Variants in SLC27A1 observed in about 807,000 individuals in gnomAD.
The protein encoded by SLC27A1 is long-chain fatty acid transport protein 1.
Under a neutral mutation model 62.2 loss-of-function variants are expected in SLC27A1, and 61 were observed. That is an observed-to-expected ratio of 0.98 (90% CI 0.80 to 1.21). SLC27A1 has a LOEUF of 1.21. Among genes scored for constraint, SLC27A1 ranks in the 50% most tolerant of loss-of-function variants. The pLI, the probability that SLC27A1 is intolerant of heterozygous loss-of-function variation, is 0.00. For synonymous variants in SLC27A1, 435 were observed against 408.6 expected (o/e 1.06, Z -0.78); for missense variants, 903 against 932.1 (o/e 0.97, Z 0.41).
chr19:17,487,932 C>T (rs1172683071), intron 4 of SLC27A1, among the ~76,000 whole-genome samples: 1 of 152,008 alleles, frequency 6.6e-6, no homozygotes, highest in East Asian at 1.9e-4. Flanking sequence ...CCTCGGGCTC[C>T]TCCTGCTCCC....
At position 17,488,915 on chromosome 19, in the gene SLC27A1, T is replaced by A. The variant is rs1358480440; in HGVS notation, c.862T>A (p.Cys288Ser). ...RMQAADVLYD[C>S]LPLYHSAGNI... ...GCAGGCGGCTGACGTGCTCTATGAC[T>A]GCCTGCCCCTGTACCACTCGGCAGG... The change falls in exon 5 of 12, where the codon TGC (cysteine) becomes AGC (serine). Residue 288 changes from cysteine to serine, a missense_variant. By Grantham distance (112) the Cys-to-Ser change is moderately radical. Transcript: ENST00000252595. 2 of 1,613,944 alleles carry A rather than the reference T, an allele frequency of 1.2e-6. No homozygotes were observed. Among genetic ancestry groups the A allele is most frequent in the Non-Finnish European group, 1.7e-6 (2 of 1,180,002 alleles).
chr19:17,479,458 A>G (rs2075154907), intron 1 of SLC27A1, among the ~76,000 whole-genome samples: 1 of 152,148 alleles, frequency 6.6e-6, no homozygotes, highest in African/African-American at 2.4e-5. Flanking sequence ...TTTCTGTTGT[A>G]AAGACAATCC....
chr19:17,470,686 A>T lies in SLC27A1; in HGVS notation c.146A>T (p.Lys49Met). 6.3e-7 allele frequency: 1 copy of T among 1,582,562 alleles called. No homozygotes were observed. Among genetic ancestry groups the T allele is most frequent in the Admixed American group, 1.8e-5 (1 of 56,954 alleles). Residue 49 changes from lysine to methionine, a missense_variant, in exon 1 of 12, where the codon AAG (lysine) becomes ATG (methionine). By Grantham distance (95) the Lys-to-Met change is moderately conservative (BLOSUM62 -1). Coordinates refer to ENST00000252595, the MANE Select transcript of SLC27A1 (RefSeq NM_198580.3). The stretch of plus-strand genomic sequence containing the variant: ...TGGCGCTTCCTGCGCATCGTCTGCA[A>T]GACCGCGAGGCGAGACCTCTTGTGA... ...GGWRFLRIVC[K>M]TARRDLFGLS...
upstream of SLC27A1, chr19:17,468,827 G>T: frequency 6.5e-6 from 1 of 154,382 alleles, no homozygotes. Context: ...GTCGGCAGTG[G>T]GGCAGAGGAG....
In SLC27A1 at chr19:17,470,605, T is replaced by C. The variant is rs1365751956; in HGVS notation, c.65T>C (p.Leu22Pro). ...CTGGCGCTGTTGTGGCTGCTGGGGC[T>C]GCCGTGGACCTGGAGCGCGGCAGCG... ...VSLALLWLLG[L>P]PWTWSAAAAL... Residue 22 changes from leucine (L) to proline (P), a missense_variant, in exon 1 of 12, where the codon CTG becomes CCG. Physicochemically the swap from Leu to Pro is moderately conservative, Grantham distance 98 (BLOSUM62 -3). Coordinates refer to ENST00000252595, the MANE Select transcript of SLC27A1 (RefSeq NM_198580.3). The C allele has an allele frequency of 1.3e-6, 2 of 1,567,520 alleles. No individual in the cohort carries two copies. Among genetic ancestry groups the C allele is most frequent in the Non-Finnish European group, 1.7e-6 (2 of 1,164,394 alleles).
Position 17,501,289 on chromosome 19 carries a change from A to G in SLC27A1, c.1653A>G (p.Ala551=), listed in dbSNP as rs762696187. 1 of 1,613,636 alleles carries G rather than the reference A, an allele frequency of 6.2e-7. No homozygotes were observed. Among genetic ancestry groups the G allele is most frequent in the Admixed American group, 1.7e-5 (1 of 59,990 alleles). ...GVAVPGVEGK[A]GMAAVADPHS... ...TGCCTCCAGGAGTGGAGGGTAAGGC[A>G]GGGATGGCGGCCGTCGCAGACCCCC... Residue 551 remains alanine (A), a synonymous_variant, in exon 11 of 12, where the codon GCA becomes GCG. Transcript: ENST00000252595.
Position 17,488,920 on chromosome 19 carries a change from G to C in SLC27A1, c.867G>C (p.Leu289=). The C allele has an allele frequency of 6.2e-7, 1 of 1,614,136 alleles. No homozygotes were observed. The highest frequency in any genetic ancestry group is 8.5e-7 in the Non-Finnish European group (1 of 1,180,022). ...MQAADVLYDC[L]PLYHSAGNII... ...CGGCTGACGTGCTCTATGACTGCCT[G>C]CCCCTGTACCACTCGGCAGGTACTA... is the stretch of plus-strand genomic sequence containing the variant. Residue 289 remains leucine (L), a synonymous_variant, in exon 5 of 12, where the codon CTG becomes CTC. Transcript: ENST00000252595.
At chr19:17,493,259 C>T (rs1338020912) in intron 6 of SLC27A1, among the ~76,000 whole-genome samples, 1 of 150,232 alleles carries the variant, frequency 6.7e-6, no homozygotes, top group Non-Finnish European at 1.5e-5. Context: ...CATGGTGAAA[C>T]CCCATCTCTA....
chr19:17,500,434 C>T lies in SLC27A1; in HGVS notation c.1333+30C>T, dbSNP rs570554307. On this transcript the variant is annotated intron_variant, in intron 8 of 11. Transcript: ENST00000252595. ...GCAGGGCCCCCGCATGGTCCCCACCCGGAGCAGGGGTCCCCACGCCCTGCC... is the reference window on the plus strand; with the variant it reads ...GCAGGGCCCCCGCATGGTCCCCACCTGGAGCAGGGGTCCCCACGCCCTGCC... The T allele has an allele frequency of 1.7e-5, 27 of 1,612,732 alleles. No individual in the cohort carries two copies. The Middle Eastern group carries it at 5.0e-4, about 30-fold the overall frequency.
chr19:17,487,214 C>A lies in SLC27A1; in HGVS notation c.603C>A (p.Ile201=), dbSNP rs775193188. 4.3e-6 allele frequency: 7 copies of A among 1,613,974 alleles called. No homozygotes were observed. Among genetic ancestry groups the A allele is most frequent in the Non-Finnish European group, 5.1e-6 (6 of 1,180,004 alleles). Residue 201 remains isoleucine (I), a synonymous_variant, in exon 3 of 12, where the codon ATC becomes ATA. Transcript: ENST00000252595. ...GCGGGCATCTGGGGAAAAGTTTGATCAAGTTCTGCTCTGGAGACTTGGGGC... is the reference window on the plus strand; with the variant it reads ...GCGGGCATCTGGGGAAAAGTTTGATAAAGTTCTGCTCTGGAGACTTGGGGC... ...EVSGHLGKSL[I]KFCSGDLGPE... is the part of the protein sequence containing the mutation.
chr19:17,494,402 A>C (rs1438177090), intron 6 of SLC27A1, among the ~76,000 whole-genome samples: 3 of 150,364 alleles, frequency 2.0e-5, no homozygotes, highest in African/African-American at 7.4e-5. Flanking sequence ...ATCTCAGTTC[A>C]CTGCAACCTC....
intron 1 of SLC27A1, among the ~76,000 whole-genome samples, chr19:17,476,463 G>A (rs1279970756): frequency 2.0e-5 from 3 of 151,120 alleles, no homozygotes; most frequent in African/African-American, 7.3e-5. Context: ...GTTTGAACCC[G>A]GGAGGCAGAG....
At chr19:17,500,163 C>T in intron 7 of SLC27A1, 115 bp from the exon 8 acceptor site, 1 of 1,491,854 alleles carries the variant, frequency 6.7e-7, no homozygotes. Context: ...GGTCACAGAG[C>T]TTAGAATGAC....
chr19:17,497,150 C>A, intron 6 of SLC27A1, 105 bp from the exon 7 acceptor site: 1 of 831,474 alleles, frequency 1.2e-6, no homozygotes, highest in Non-Finnish European at 1.9e-6. Context: ...CTGTTCCGCT[C>A]ATAGGATTAG....
Position 17,500,895 on chromosome 19 carries a change from G to A in SLC27A1, c.1636+19G>A, listed in dbSNP as rs1396292602. On this transcript the variant is annotated intron_variant, in intron 10 of 11. Coordinates refer to ENST00000252595, the MANE Select transcript of SLC27A1 (RefSeq NM_198580.3). ...GTTCCAGGCAAGCTGGGGTTGCAGG[G>A]GGTGGTCCTGAGGCATGGTCCTGAG... The A allele has an allele frequency of 6.3e-7, 1 of 1,595,464 alleles. No homozygotes were observed. The highest frequency in any genetic ancestry group is 8.5e-7 in the Non-Finnish European group (1 of 1,173,448).
chr19:17,504,483 G>A lies in SLC27A1; in HGVS notation c.1812G>A (p.Leu604=). ...CCTTCAAGATCCAGAAGACGAGGCT[G>A]CAGCGAGAGGGCTTTGACCCACGCC... The part of the protein sequence containing the change: ...TGTFKIQKTR[L]QREGFDPRQT... The change falls in exon 12 of 12, where the codon CTG becomes CTA. Residue 604 remains leucine, a synonymous_variant. Coordinates refer to ENST00000252595, the MANE Select transcript of SLC27A1 (RefSeq NM_198580.3). The A allele has an allele frequency of 6.2e-7, 1 of 1,614,184 alleles. No homozygotes were observed. The highest frequency in any genetic ancestry group is 8.5e-7 in the Non-Finnish European group (1 of 1,180,028).
chr19:17,481,527 G>A (rs1185669473), intron 1 of SLC27A1, among the ~76,000 whole-genome samples: 4 of 151,718 alleles, frequency 2.6e-5, no homozygotes, highest in Non-Finnish European at 1.5e-5. Flanking sequence ...TTCTGAGATA[G>A]GGTCTCACTC....
At chr19:17,499,095 G>C (rs2075380953) in intron 7 of SLC27A1, 1 of 180,596 alleles carries the variant, frequency 5.5e-6, no homozygotes, top group African/African-American at 2.4e-5. Flanking sequence ...TGGAGGAGTA[G>C]AGTCTTCTCT....
At chr19:17,479,626 ATTG>A (rs2075156407) in intron 1 of SLC27A1, among the ~76,000 whole-genome samples, 3 of 136,394 alleles carry the variant, frequency 2.2e-5, no homozygotes, top group South Asian at 2.5e-4. Context: ...TTCATATTCT[ATTG>A]TTGTTTCTTT....
Sources: allele counts gnomAD v4.1 joint callset (sites outside exome capture counted in the v4.1 genomes callset), GRCh38; gene constraint gnomAD v4.1.1; transcripts MANE v1.5; gene names NCBI Gene and HGNC (gene_info 2026-07-23, HGNC 2026-07-21).